CBLIF: variants seen among roughly 807,000 people sequenced by gnomAD.
The protein encoded by CBLIF is gastric intrinsic factor (vitamin B synthesis).
In CBLIF, 24 loss-of-function variants were observed where a neutral mutation model predicts 44.9. The observed-to-expected ratio is 0.53, with a 90% CI of 0.39 to 0.75. CBLIF has a LOEUF of 0.75. Among genes scored for constraint, CBLIF ranks in the 30% least tolerant of loss-of-function variants. The pLI is 0.00. For missense variants in CBLIF, 481 were observed against 513.0 expected (o/e 0.94, Z 0.60); for synonymous variants, 183 against 190.9 (o/e 0.96, Z 0.34).
intron 5 of CBLIF, among the ~76,000 whole-genome samples, chr11:59,839,375 C>A (rs1866494441): frequency 6.6e-6 from 1 of 152,188 alleles, no homozygotes; most frequent in Non-Finnish European, 1.5e-5. Context: ...TGAGACAGAT[C>A]TTGAACAATT....
intron 7 of CBLIF, among the ~76,000 whole-genome samples, chr11:59,834,540 G>T (rs1225566314): frequency 6.6e-6 from 1 of 150,962 alleles, no homozygotes; most frequent in Non-Finnish European, 1.5e-5. Context: ...CCACAGGCAC[G>T]CACCACCACG....
intron 6 of CBLIF, among the ~76,000 whole-genome samples, chr11:59,836,652 G>C (rs1420590809): frequency 6.6e-6 from 1 of 152,148 alleles, no homozygotes; most frequent in African/African-American, 2.4e-5. Context: ...TATGAATTCT[G>C]TTCTTCTCTG....
intron 3 of CBLIF, 122 bp from the exon 4 acceptor site, chr11:59,842,705 C>G: frequency 2.1e-6 from 2 of 938,676 alleles, no homozygotes; most frequent in South Asian, 1.3e-5. Flanking sequence ...CAAAGAGAGA[C>G]ACAGCATAGG....
chr11:59,836,041 AG>A (rs1299603882), intron 6 of CBLIF, 32 bp from the exon 7 acceptor site: 1 of 1,560,250 alleles, frequency 6.4e-7, no homozygotes. Context: ...CATTTGTCAA[AG>A]ATTATGGGGT....
intron 7 of CBLIF, 77 bp downstream of exon 7, chr11:59,835,731 A>G (rs1866446654): frequency 8.4e-7 from 1 of 1,189,940 alleles, no homozygotes. Context: ...GAAAAAAATT[A>G]GGAAAACAGG....
chr11:59,829,421 G>C lies in CBLIF; in HGVS notation c.*63C>G. ...TCGCTTTTTTGCATAGATTTAAAAT[G>C]AAGTGGAAAAAATTTCACCCATCCT... is the stretch of plus-strand genomic sequence containing the variant. On this transcript the variant is annotated 3_prime_UTR_variant, in exon 9 of 9. Coordinates refer to ENST00000257248, the MANE Select transcript of CBLIF (RefSeq NM_005142.3). The C allele has an allele frequency of 9.8e-7, 1 of 1,017,338 alleles. No individual in the cohort carries two copies. The highest frequency in any genetic ancestry group is 1.6e-5 in the African/African-American group (1 of 63,610). The allele number at this position is 1,017,338 out of a possible 1,614,324, so 63.0% of individuals were successfully genotyped here.
chr11:59,837,772 C>A (rs533537812), intron 5 of CBLIF, among the ~76,000 whole-genome samples: 1 of 152,284 alleles, frequency 6.6e-6, no homozygotes, highest in African/African-American at 2.4e-5. Flanking sequence ...TGTGTCAGGA[C>A]TCTCAGAGGC....
intron 5 of CBLIF, among the ~76,000 whole-genome samples, chr11:59,840,103 T>C (rs904828513): frequency 6.9e-6 from 1 of 144,032 alleles, no homozygotes; most frequent in Non-Finnish European, 1.5e-5. Context: ...TCCATTGAAG[T>C]GGAAATTTTT....
rs1473991032 is a variant in CBLIF at position 59,834,299 on chromosome 11, T to TC, written c.1073+1508dup. ...TTCTTTCTTTCTTTCTTTCTTTCTT[T>TC]CTTTCTTTCTTTCTTCCTTCCTTCC... On this transcript the variant is annotated intron_variant, in intron 7 of 8. Coordinates refer to ENST00000257248, the MANE Select transcript of CBLIF (RefSeq NM_005142.3). Among the ~76,000 whole-genome samples, 5 of 115,028 alleles carry TC rather than the reference T, an allele frequency of 4.3e-5. No homozygotes were observed. The East Asian group carries it at 9.8e-4, about 23-fold the overall frequency. The allele number at this position is 115,028 out of a possible 152,430, so 75.5% of individuals were successfully genotyped here.
intron 5 of CBLIF, among the ~76,000 whole-genome samples, chr11:59,840,760 T>C (rs867061320): frequency 6.6e-6 from 1 of 152,096 alleles, no homozygotes; most frequent in South Asian, 2.1e-4. Context: ...CATCAGAAAA[T>C]TGTATATTTT....
In CBLIF at chr11:59,842,593, G is replaced by A. The variant is rs1565210034; in HGVS notation, c.371-10C>T. The A allele has an allele frequency of 6.2e-7, 1 of 1,612,826 alleles. No homozygotes were observed. ...GCTTCAGCGTTGGGGCCTCCGAAGG[G>A]GATAGAGAACCTTCATCAGACTCAC... On this transcript the variant is annotated splice_polypyrimidine_tract_variant and intron_variant, in intron 3 of 8. Coordinates refer to ENST00000257248, the MANE Select transcript of CBLIF (RefSeq NM_005142.3).
At chr11:59,841,955 G>C (rs947890624) in intron 4 of CBLIF, among the ~76,000 whole-genome samples, 2 of 152,148 alleles carry the variant, frequency 1.3e-5, no homozygotes, top group Admixed American at 1.3e-4. Context: ...AAAGACGCAA[G>C]GTGGTCCCCG....
chr11:59,842,517 T>G lies in CBLIF; in HGVS notation c.437A>C (p.Asn146Thr). 1 of 1,607,018 alleles carries G rather than the reference T, an allele frequency of 6.2e-7. No homozygotes were observed. Among genetic ancestry groups the G allele is most frequent in the Non-Finnish European group, 8.5e-7 (1 of 1,173,794 alleles). Residue 146 changes from asparagine to threonine, a missense_variant, in exon 4 of 9, where the codon AAC becomes ACC. Asn to Thr is a moderately conservative substitution (Grantham distance 65). Transcript: ENST00000257248. The stretch of plus-strand genomic sequence containing the variant: ...GGCTATCGGCAAGGTCGCCTCAGAG[T>G]TCTTCTGGCACAGTGCCAAGATCGC... Reference protein sequence around the residue: ...SLAILALCQKNSEATLPIAVR... With the variant: ...SLAILALCQKTSEATLPIAVR...
intron 1 of CBLIF, 133 bp downstream of exon 1, chr11:59,845,242 C>T: frequency 7.7e-7 from 1 of 1,295,460 alleles, no homozygotes; most frequent in Non-Finnish European, 1.1e-6. Flanking sequence ...GAACAGCACA[C>T]AATCACACTC....
intron 7 of CBLIF, among the ~76,000 whole-genome samples, chr11:59,832,544 T>C (rs950287555): frequency 6.6e-6 from 1 of 152,050 alleles, no homozygotes; most frequent in African/African-American, 2.4e-5. Context: ...TCCCAGCACT[T>C]TGGGAGGCTG....
At chr11:59,832,664 A>AAAAT (rs955054925) in intron 7 of CBLIF, among the ~76,000 whole-genome samples, 12 of 152,104 alleles carry the variant, frequency 7.9e-5, no homozygotes, top group South Asian at 2.1e-4. Flanking sequence ...ACCTGATCTC[A>AAAAT]AAATAAATAA....
Position 59,843,109 on chromosome 11 carries a change from T to C in CBLIF, c.289A>G (p.Met97Val). The C allele has an allele frequency of 6.2e-7, 1 of 1,613,544 alleles. No homozygotes were observed. The highest frequency in any genetic ancestry group is 1.1e-5 in the South Asian group (1 of 91,070). Residue 97 changes from methionine (M) to valine (V), a missense_variant, in exon 3 of 9, where the codon ATG becomes GTG. Physicochemically the swap from Met to Val is conservative, Grantham distance 21. Transcript: ENST00000257248. Reference sequence around the variant, plus strand: ...TCTCGGCAGGAGGAGGTGAGGGCCATGATGGTGAGGCCGAGCTGCCCAATG... The same window carrying C: ...TCTCGGCAGGAGGAGGTGAGGGCCACGATGGTGAGGCCGAGCTGCCCAATG... ...LTIGQLGLTI[M>V]ALTSSCRDPG...
intron 8 of CBLIF, among the ~76,000 whole-genome samples, chr11:59,830,240 T>C (rs1277601316): frequency 1.3e-5 from 2 of 149,202 alleles, no homozygotes; most frequent in Admixed American, 6.7e-5. Context: ...TTTCTTTTTT[T>C]TTTTTTTTTT....
chr11:59,837,784 C>G (rs1362578986), intron 5 of CBLIF, among the ~76,000 whole-genome samples: 1 of 152,154 alleles, frequency 6.6e-6, no homozygotes, highest in Admixed American at 6.5e-5. Context: ...CTCAGAGGCT[C>G]CACAACCCTG....
Sources: allele counts gnomAD v4.1 joint callset (sites outside exome capture counted in the v4.1 genomes callset), GRCh38; gene constraint gnomAD v4.1.1; transcripts MANE v1.5; gene names NCBI Gene and HGNC (gene_info 2026-07-23, HGNC 2026-07-21).